KIRREL3: variants seen among roughly 807,000 people sequenced by gnomAD.
KIRREL3 encodes kirre like nephrin family adhesion molecule 3.
Under a neutral mutation model 89.7 loss-of-function variants are expected in KIRREL3, and 36 were observed. That is an observed-to-expected ratio of 0.40 (90% CI 0.31 to 0.53). The LOEUF (loss-of-function observed/expected upper bound fraction) is 0.53. Ranked by LOEUF, KIRREL3 falls within the 20% of genes least tolerant of loss-of-function variation. KIRREL3 has a pLI of 0.49. For missense variants in KIRREL3, 864 were observed against 1,056.6 expected (o/e 0.82, Z 2.53); for synonymous variants, 445 against 441.4 (o/e 1.01, Z -0.10).
In KIRREL3 at chr11:126,783,949, A is replaced by T. The variant is rs1309877140; in HGVS notation, c.55+216506T>A. Reference sequence around the variant, plus strand: ...ACCCTTGATAGGATACGATGGAAACAGCACTTGTCTTTGTGGTCTTCCCCC... The same window carrying T: ...ACCCTTGATAGGATACGATGGAAACTGCACTTGTCTTTGTGGTCTTCCCCC... On this transcript the variant is annotated intron_variant, in intron 1 of 16. Transcript: ENST00000525144. This position sits in a 1 kb window ranked among gnomAD's most constrained non-coding sequence, Gnocchi z 4.3. Among the ~76,000 whole-genome samples the T allele has an allele frequency of 6.6e-6, 1 of 152,262 alleles. No homozygotes were observed. The highest frequency in any genetic ancestry group is 1.5e-5 in the Non-Finnish European group (1 of 68,048).
At chr11:127,002,474 T>A (rs1950332017), upstream of KIRREL3, among the ~76,000 whole-genome samples, 1 of 152,210 alleles carries the variant, frequency 6.6e-6, no homozygotes, top group Non-Finnish European at 1.5e-5. Flanking sequence ...TAACAGATCA[T>A]GCAATAAATG....
chr11:126,907,030 T>C (rs1022374732), intron 1 of KIRREL3, among the ~76,000 whole-genome samples: 1 of 152,216 alleles, frequency 6.6e-6, no homozygotes, highest in Non-Finnish European at 1.5e-5. Flanking sequence ...CTCTCATGCA[T>C]GTCAACCCAT....
chr11:126,853,061 T>C (rs1050525559), intron 1 of KIRREL3, among the ~76,000 whole-genome samples: 1 of 152,142 alleles, frequency 6.6e-6, no homozygotes, highest in Non-Finnish European at 1.5e-5. Flanking sequence ...GTCGTGCAAG[T>C]TTTTTTGTGT....
At position 126,427,135 on chromosome 11, in the gene KIRREL3, G is replaced by A. The variant is rs1203522874; in HGVS notation, c.1807-1411C>T. 1.3e-5 allele frequency among the ~76,000 whole-genome samples: 2 copies of A among 152,150 alleles called. No homozygotes were observed. Among genetic ancestry groups the A allele is most frequent in the Non-Finnish European group, 1.5e-5 (1 of 68,030 alleles). ...GTTTGCCGATGGGAGAGAATTCAAGGTCCCGTTTGGGATGAAGGACACACA... is the reference window on the plus strand; with the variant it reads ...GTTTGCCGATGGGAGAGAATTCAAGATCCCGTTTGGGATGAAGGACACACA... On this transcript the variant is annotated intron_variant, in intron 15 of 16. Transcript: ENST00000525144. The surrounding 1 kb of genome is among the most constrained non-coding windows in gnomAD (Gnocchi z 5.3).
chr11:126,723,186 C>T lies in KIRREL3; in HGVS notation c.56-160274G>A, dbSNP rs757568740. On this transcript the variant is annotated intron_variant, in intron 1 of 16. Coordinates refer to ENST00000525144, the MANE Select transcript of KIRREL3 (RefSeq NM_032531.4). This position sits in a 1 kb window ranked among gnomAD's most constrained non-coding sequence, Gnocchi z 4.0. Reference sequence around the variant, plus strand: ...TCTATCTCAGAGCCTGCAGCCCTGACACATTGCAGGTACTTAGCATACAGA... The same window carrying T: ...TCTATCTCAGAGCCTGCAGCCCTGATACATTGCAGGTACTTAGCATACAGA... Among the ~76,000 whole-genome samples the T allele has an allele frequency of 7.3e-6, 1 of 137,720 alleles. No individual in the cohort carries two copies. The highest frequency in any genetic ancestry group is 2.5e-5 in the African/African-American group (1 of 39,662). The allele number at this position is 137,720 out of a possible 152,430, so 90.3% of individuals were successfully genotyped here. A position where few individuals can be genotyped will look rare whatever the true frequency, so the allele number is the denominator to read the frequency against.
chr11:126,789,281 C>T (rs1950568358), intron 1 of KIRREL3, among the ~76,000 whole-genome samples: 1 of 152,170 alleles, frequency 6.6e-6, no homozygotes, highest in East Asian at 1.9e-4. Context: ...TGCCCCATCT[C>T]CTTCGCCTTC....
chr11:126,887,015 G>A (rs189172945), intron 1 of KIRREL3, among the ~76,000 whole-genome samples: 34 of 152,254 alleles, frequency 2.2e-4, no homozygotes, highest in East Asian at 3.9e-4. Context: ...AGGTGAACAC[G>A]TGAGTTAGTG....
chr11:126,762,979 T>G (rs1271193758), intron 1 of KIRREL3, among the ~76,000 whole-genome samples: 1 of 152,156 alleles, frequency 6.6e-6, no homozygotes, highest in Non-Finnish European at 1.5e-5. Context: ...CTGACAGCTG[T>G]GGGGCTGCAC....
intron 5 of KIRREL3, among the ~76,000 whole-genome samples, chr11:126,466,483 G>C (rs2134262948): frequency 6.6e-6 from 1 of 152,346 alleles, no homozygotes; most frequent in Admixed American, 6.5e-5. Flanking sequence ...GGGCCCAGGG[G>C]GAAGGCTGGA....
chr11:126,547,528 G>A (rs1223301406), intron 2 of KIRREL3, among the ~76,000 whole-genome samples: 1 of 152,222 alleles, frequency 6.6e-6, no homozygotes, highest in African/African-American at 2.4e-5. Flanking sequence ...GCGTGCAGGG[G>A]TAAGGACGGG....
At chr11:126,603,438 G>A (rs1022247785) in intron 1 of KIRREL3, among the ~76,000 whole-genome samples, 25 of 152,194 alleles carry the variant, frequency 1.6e-4, no homozygotes, top group African/African-American at 5.6e-4. Flanking sequence ...GGTAGGACTG[G>A]GGCAGCTGCA....
At chr11:126,425,976 G>T (rs1471560396) in intron 15 of KIRREL3, among the ~76,000 whole-genome samples, 3 of 152,204 alleles carry the variant, frequency 2.0e-5, no homozygotes, top group African/African-American at 7.2e-5. Flanking sequence ...GGTATCCGAG[G>T]CCATACTTTC....
chr11:126,907,324 G>A (rs1946627561), intron 1 of KIRREL3, among the ~76,000 whole-genome samples: 1 of 152,130 alleles, frequency 6.6e-6, no homozygotes, highest in African/African-American at 2.4e-5. Context: ...ATCATGATCT[G>A]TGTCAAATAT....
At chr11:126,453,330 G>A (rs1007038125) in intron 7 of KIRREL3, among the ~76,000 whole-genome samples, 1 of 152,024 alleles carries the variant, frequency 6.6e-6, no homozygotes, top group Admixed American at 6.6e-5. Context: ...AAAGCACTTT[G>A]GGCTCCTGGT....
intron 1 of KIRREL3, among the ~76,000 whole-genome samples, chr11:126,672,067 T>A (rs1945976474): frequency 6.6e-6 from 1 of 152,216 alleles, no homozygotes; most frequent in South Asian, 2.1e-4. Context: ...TTGGGTTTTT[T>A]AAATACACAA....
chr11:126,518,581 G>C (rs1471865423), intron 4 of KIRREL3, among the ~76,000 whole-genome samples: 3 of 152,364 alleles, frequency 2.0e-5, no homozygotes, highest in South Asian at 4.1e-4. Flanking sequence ...GGAACACAGG[G>C]AAGGCAGCCC....
chr11:126,725,995 C>A (rs561678632), intron 1 of KIRREL3, among the ~76,000 whole-genome samples: 2 of 152,326 alleles, frequency 1.3e-5, no homozygotes, highest in East Asian at 3.9e-4. Context: ...ATAAATACTT[C>A]TTGAATGAAT....
chr11:126,626,832 C>A (rs1212389718), intron 1 of KIRREL3, among the ~76,000 whole-genome samples: 2 of 151,964 alleles, frequency 1.3e-5, no homozygotes, highest in African/African-American at 4.8e-5. Context: ...CATGTTTCAC[C>A]CCATGTTTCT....
At chr11:126,868,880 C>T (rs932477474) in intron 1 of KIRREL3, among the ~76,000 whole-genome samples, 1 of 152,194 alleles carries the variant, frequency 6.6e-6, no homozygotes, top group Admixed American at 6.5e-5. Flanking sequence ...TTTCCTGCTT[C>T]ATAGACAGCT....
Sources: allele counts gnomAD v4.1 joint callset (sites outside exome capture counted in the v4.1 genomes callset), GRCh38; gene constraint gnomAD v4.1.1; non-coding constraint Gnocchi (gnomAD v3.1); transcripts MANE v1.5; gene names NCBI Gene and HGNC (gene_info 2026-07-23, HGNC 2026-07-21).